TECRL: variants seen among roughly 807,000 people sequenced by gnomAD.
The protein encoded by TECRL is trans-2,3-enoyl-CoA reductase like, also known as trans-2,3-enoyl-CoA reductase-like.
In TECRL, 63 loss-of-function variants were observed where a neutral mutation model predicts 52.8. That is an observed-to-expected ratio of 1.19 (90% CI 0.97 to 1.47). TECRL has a LOEUF of 1.47. Among genes scored for constraint, TECRL ranks in the 40% most tolerant of loss-of-function variants. The pLI is 0.00. For synonymous variants in TECRL, 164 were observed against 141.9 expected (o/e 1.16, Z -1.10); for missense variants, 482 against 429.6 (o/e 1.12, Z -1.08).
intron 2 of TECRL, among the ~76,000 whole-genome samples, chr4:64,332,710 A>G (rs929924475): frequency 6.6e-6 from 1 of 152,192 alleles, no homozygotes; most frequent in African/African-American, 2.4e-5. Context: ...ACTGCAAAGT[A>G]TAGTAAGTGG....
chr4:64,387,356 C>A (rs184865156), intron 1 of TECRL, among the ~76,000 whole-genome samples: 9 of 152,226 alleles, frequency 5.9e-5, no homozygotes. Flanking sequence ...ATTGTGGATG[C>A]AGCTGCCATA....
At position 64,313,977 on chromosome 4, in the gene TECRL, C is replaced by CAA. The variant is rs752037972; in HGVS notation, c.551+669_551+670dup. Among the ~76,000 whole-genome samples, 375 of 61,948 alleles carry CAA rather than the reference C, an allele frequency of 6.1e-3. 6 individuals carry two copies. Among genetic ancestry groups the CAA allele is most frequent in the African/African-American group, 6.7e-3 (135 of 20,098 alleles). 40.6% of individuals were successfully genotyped at this position (61,948 alleles called of 152,430 possible). A position where few individuals can be genotyped will look rare whatever the true frequency, so the allele number is the denominator to read the frequency against. On this transcript the variant is annotated intron_variant, in intron 5 of 11. Transcript: ENST00000381210. ...TGAAATCCCGTCTCCACTAAAAATA[C>CAA]AAAAAAAAAAAAAAAAAAAAAAATT...
At chr4:64,311,845 A>G (rs62408514) in intron 5 of TECRL, among the ~76,000 whole-genome samples, 3,546 of 152,292 alleles carry the variant, frequency 0.023, 62 homozygotes, top group Non-Finnish European at 0.036. Flanking sequence ...TCCCAACCAA[A>G]GTATTGATAA....
In TECRL at chr4:64,373,666, T is replaced by C. The variant is rs552655225; in HGVS notation, c.286+1506A>G. ...CAATAGAAATAAGACTTTGTTATTATTGTTTTACATACAATCTTCTTGTTA... is the reference window on the plus strand; with the variant it reads ...CAATAGAAATAAGACTTTGTTATTACTGTTTTACATACAATCTTCTTGTTA... On this transcript the variant is annotated intron_variant, in intron 2 of 11. Coordinates refer to ENST00000381210, the MANE Select transcript of TECRL (RefSeq NM_001010874.5). 1.1e-4 allele frequency among the ~76,000 whole-genome samples: 16 copies of C among 151,920 alleles called. No homozygotes were observed. The South Asian group carries it at 3.1e-3, about 29-fold the overall frequency.
rs111371475 is a variant in TECRL, at chr4:64,330,388, A to C, written c.287-1832T>G. 4.2e-3 allele frequency among the ~76,000 whole-genome samples: 634 copies of C among 152,236 alleles called. 2 individuals are homozygous for C. Among genetic ancestry groups the C allele is most frequent in the Non-Finnish European group, 6.0e-3 (410 of 67,950 alleles). On this transcript the variant is annotated intron_variant, in intron 2 of 11. Transcript: ENST00000381210. Reference sequence around the variant, plus strand: ...GACAGGATATATATGGTCATTGCACATGTGGAAATTTAACTCAATATTGAT... The same window carrying C: ...GACAGGATATATATGGTCATTGCACCTGTGGAAATTTAACTCAATATTGAT...
chr4:64,356,262 G>A (rs922545504), intron 2 of TECRL, among the ~76,000 whole-genome samples: 2 of 152,076 alleles, frequency 1.3e-5, no homozygotes, highest in African/African-American at 2.4e-5. Context: ...CCTGGGATGC[G>A]AAAGACCTGA....
chr4:64,320,020 G>C (rs1180148928), intron 4 of TECRL, among the ~76,000 whole-genome samples: 1 of 151,824 alleles, frequency 6.6e-6, no homozygotes, highest in Non-Finnish European at 1.5e-5. Context: ...CTTGACATTG[G>C]TGTTAGATAC....
At chr4:64,404,234 A>AAC in intron 1 of TECRL, among the ~76,000 whole-genome samples, 1 of 151,616 alleles carries the variant, frequency 6.6e-6, no homozygotes, top group African/African-American at 2.4e-5. Context: ...AAAAAAAAAA[A>AAC]AACAATAGGA....
At chr4:64,328,860 A>C (rs907240358) in intron 2 of TECRL, among the ~76,000 whole-genome samples, 2 of 151,962 alleles carry the variant, frequency 1.3e-5, no homozygotes, top group Non-Finnish European at 2.9e-5. Context: ...TGACTTGTGC[A>C]CTTCAGTCTA....
chr4:64,334,195 A>AATAAACAT (rs1718880243), intron 2 of TECRL, among the ~76,000 whole-genome samples: 2 of 152,114 alleles, frequency 1.3e-5, no homozygotes, highest in South Asian at 2.1e-4. Context: ...CTTCTTAAGT[A>AATAAACAT]ATAAACATCA....
At chr4:64,399,560 G>C (rs1430926428) in intron 1 of TECRL, among the ~76,000 whole-genome samples, 3 of 152,158 alleles carry the variant, frequency 2.0e-5, no homozygotes, top group Non-Finnish European at 2.9e-5. Flanking sequence ...GAAGCCCTGA[G>C]GCCTGGGAGA....
chr4:64,397,066 A>T (rs568899293), intron 1 of TECRL, among the ~76,000 whole-genome samples: 1 of 152,284 alleles, frequency 6.6e-6, no homozygotes, highest in East Asian at 1.9e-4. Flanking sequence ...ATAAAGCCAC[A>T]CAGCTTTATC....
intron 6 of TECRL, 30 bp downstream of exon 6, chr4:64,309,796 A>T (rs759621397): frequency 6.6e-6 from 9 of 1,366,626 alleles, no homozygotes; most frequent in Non-Finnish European, 9.4e-6. Flanking sequence ...AAATGTCTCA[A>T]TCATTATTAA....
At chr4:64,405,884 A>C (rs1216499803) in intron 1 of TECRL, among the ~76,000 whole-genome samples, 1 of 152,108 alleles carries the variant, frequency 6.6e-6, no homozygotes, top group Non-Finnish European at 1.5e-5. Context: ...AACAGTGGAA[A>C]ATGTTGTTGA....
At chr4:64,408,339 C>T (rs1560568120) in intron 1 of TECRL, among the ~76,000 whole-genome samples, 1 of 151,820 alleles carries the variant, frequency 6.6e-6, no homozygotes, top group East Asian at 1.9e-4. Flanking sequence ...ATTACCTGTA[C>T]AAATATGCCT....
chr4:64,331,192 A>G (rs940295071), intron 2 of TECRL, among the ~76,000 whole-genome samples: 1 of 152,124 alleles, frequency 6.6e-6, no homozygotes, highest in African/African-American at 2.4e-5. Flanking sequence ...AAATATGTCA[A>G]TCTCTGCCTG....
chr4:64,284,220 G>A (rs904907096), intron 9 of TECRL, among the ~76,000 whole-genome samples: 1 of 152,172 alleles, frequency 6.6e-6, no homozygotes, highest in South Asian at 2.1e-4. Flanking sequence ...GCACCTGGAA[G>A]CATGAACAAA....
intron 2 of TECRL, among the ~76,000 whole-genome samples, chr4:64,339,285 G>T (rs1229629979): frequency 8.7e-6 from 1 of 114,292 alleles, no homozygotes; most frequent in East Asian, 3.2e-4. Context: ...GCCTGTTGTG[G>T]GGTGGGGGGA....
chr4:64,387,551 T>A (rs1257279564), intron 1 of TECRL, among the ~76,000 whole-genome samples: 1 of 152,130 alleles, frequency 6.6e-6, no homozygotes, highest in Non-Finnish European at 1.5e-5. Flanking sequence ...TTCCTGTTTT[T>A]CCACATCTTC....
Sources: allele counts gnomAD v4.1 joint callset (sites outside exome capture counted in the v4.1 genomes callset), GRCh38; gene constraint gnomAD v4.1.1; transcripts MANE v1.5; gene names NCBI Gene and HGNC (gene_info 2026-07-23, HGNC 2026-07-21).